Variants in SACM1L observed in about 807,000 individuals in gnomAD.
The protein encoded by SACM1L is SAC1 like phosphatidylinositide phosphatase.
SACM1L carries 32 observed loss-of-function variants against 89.5 expected under a neutral mutation model. That is an observed-to-expected ratio of 0.36 (90% CI 0.27 to 0.48). The LOEUF (loss-of-function observed/expected upper bound fraction) is 0.48, where lower values mean the gene tolerates loss of function less well. Ranked by LOEUF, SACM1L falls within the 20% of genes least tolerant of loss-of-function variation. The pLI is 0.99. For synonymous variants in SACM1L, 213 were observed against 232.8 expected (o/e 0.92, Z 0.77); for missense variants, 543 against 708.5 (o/e 0.77, Z 2.65).
intron 4 of SACM1L, 181 bp downstream of exon 4, chr3:45,707,088 G>T: frequency 3.1e-5 from 15 of 480,112 alleles, no homozygotes; most frequent in South Asian, 1.3e-4. Context: ...ATCATTTGTT[G>T]CTCTTGTTTT....
intron 11 of SACM1L, among the ~76,000 whole-genome samples, chr3:45,730,988 C>T (rs775354507): frequency 1.3e-5 from 2 of 152,194 alleles, no homozygotes; most frequent in South Asian, 2.1e-4. Flanking sequence ...ACTGAGAACC[C>T]GGTTATTCCC....
At chr3:45,715,959 G>A (rs925200408) in intron 7 of SACM1L, among the ~76,000 whole-genome samples, 4 of 151,612 alleles carry the variant, frequency 2.6e-5, no homozygotes, top group African/African-American at 7.3e-5. Flanking sequence ...CCTTTAAATT[G>A]AAAGCTTTAA....
At chr3:45,742,605 A>G (rs963681001) in intron 19 of SACM1L, 3 of 152,254 alleles carry the variant, frequency 2.0e-5, no homozygotes, top group Non-Finnish European at 4.4e-5. Context: ...GCTAACCTTT[A>G]TGAACTTCGG....
chr3:45,735,109 C>G (rs1699170475), intron 13 of SACM1L, 126 bp from the exon 14 acceptor site: 1 of 926,594 alleles, frequency 1.1e-6, no homozygotes, highest in South Asian at 2.0e-5. Context: ...ACCACACATT[C>G]CTGTCTGACC....
At chr3:45,709,836 T>C (rs1698480583) in intron 5 of SACM1L, among the ~76,000 whole-genome samples, 189 bp downstream of exon 5, 1 of 152,224 alleles carries the variant, frequency 6.6e-6, no homozygotes. Context: ...AATCTGTGTA[T>C]ATATACAGCC....
chr3:45,719,090 TC>T (rs1433799675), intron 7 of SACM1L, among the ~76,000 whole-genome samples: 2 of 152,160 alleles, frequency 1.3e-5, no homozygotes, highest in Non-Finnish European at 2.9e-5. Context: ...TCATTTTTTT[TC>T]CCCTTAGCTG....
At chr3:45,690,657 C>T (rs1226123075) in intron 1 of SACM1L, among the ~76,000 whole-genome samples, 1 of 152,166 alleles carries the variant, frequency 6.6e-6, no homozygotes, top group Admixed American at 6.5e-5. Context: ...CAGTGCACCC[C>T]CTGTGGGTGC....
intron 11 of SACM1L, among the ~76,000 whole-genome samples, chr3:45,730,934 A>G (rs1699038919): frequency 6.6e-6 from 1 of 152,186 alleles, no homozygotes; most frequent in South Asian, 2.1e-4. Flanking sequence ...ACACAATTAT[A>G]TGCAAATAAG....
rs745522364 is a variant in SACM1L at position 45,738,802 on chromosome 3, G to C, written c.1498G>C (p.Gly500Arg). 13 of 1,609,632 alleles carry C rather than the reference G, an allele frequency of 8.1e-6. No homozygotes were observed. The highest frequency in any genetic ancestry group is 1.1e-5 in the Non-Finnish European group (13 of 1,176,378). The change falls in exon 18 of 20, where the codon GGA becomes CGA. Residue 500 changes from glycine to arginine, a missense_variant. Physicochemically the swap from Gly to Arg is moderately radical, Grantham distance 125 (BLOSUM62 -2). This residue lies in a region of SACM1L where 370 missense variants were observed against 527.6 expected (regional missense o/e 0.70). Transcript: ENST00000389061. ...FRQDSIDLFL[G>R]NYSVDELESH... The stretch of plus-strand genomic sequence containing the variant: ...CTAGGATTCCATAGACTTATTTCTT[G>C]GAAACTATTCAGTGGATGAATTAGA...
At chr3:45,710,235 C>G (rs557353405) in intron 5 of SACM1L, among the ~76,000 whole-genome samples, 2 of 149,918 alleles carry the variant, frequency 1.3e-5, no homozygotes, top group Admixed American at 6.6e-5. Flanking sequence ...GAGTCTCACT[C>G]TGTCACCTAG....
At chr3:45,739,862 C>T (rs1040353644) in intron 19 of SACM1L, 4 of 590,958 alleles carry the variant, frequency 6.8e-6, no homozygotes, top group African/African-American at 1.9e-5. Context: ...ATTTTAAAAA[C>T]ATGTTTTTCT....
At chr3:45,708,862 G>T (rs1698458027) in intron 4 of SACM1L, among the ~76,000 whole-genome samples, 1 of 152,124 alleles carries the variant, frequency 6.6e-6, no homozygotes. Context: ...TTAAAACAAG[G>T]ATAAAAACAA....
At chr3:45,732,600 C>T (rs981601747) in intron 13 of SACM1L, among the ~76,000 whole-genome samples, 1 of 152,106 alleles carries the variant, frequency 6.6e-6, no homozygotes, top group African/African-American at 2.4e-5. Context: ...GGTTTATTTC[C>T]TTTCCTCTTT....
intron 1 of SACM1L, among the ~76,000 whole-genome samples, chr3:45,700,517 T>TA (rs1207365331): frequency 3.9e-5 from 6 of 152,090 alleles, no homozygotes; most frequent in Admixed American, 6.5e-5. Context: ...GGTGGAAGGG[T>TA]AAAAAAACAA....
intron 5 of SACM1L, among the ~76,000 whole-genome samples, chr3:45,710,500 C>CTTTTTTTT (rs11413682): frequency 1.5e-5 from 2 of 134,142 alleles, no homozygotes; most frequent in Non-Finnish European, 3.1e-5. Context: ...CCCAGTCTGC[C>CTTTTTTTT]TTTTTTTTTT....
At chr3:45,702,146 A>C (rs938365) in intron 1 of SACM1L, among the ~76,000 whole-genome samples, 18,080 of 152,266 alleles carry the variant, frequency 0.12, 1,085 homozygotes, top group East Asian at 0.14. Flanking sequence ...TTAGTTAGTT[A>C]CAGATGAACC....
intron 8 of SACM1L, 107 bp downstream of exon 8, chr3:45,719,708 C>T: frequency 1.6e-6 from 1 of 614,362 alleles, no homozygotes; most frequent in Non-Finnish European, 2.8e-6. Flanking sequence ...ATTTGATAGC[C>T]TTGCTAAGTA....
Position 45,709,510 on chromosome 3 carries a change from A to G in SACM1L, c.346A>G (p.Lys116Glu), listed in dbSNP as rs1222924858. ...TCTTTGTTTATAGTTACAAGATAAT[A>G]AAACCTTCCTAGCGATGCTAAACCA... ...HLTDIQLQDN[K>E]TFLAMLNHVL... is the part of the protein sequence containing the mutation. Residue 116 changes from lysine to glutamate, a missense_variant, in exon 5 of 20, where the codon AAA (lysine) becomes GAA (glutamate). Physicochemically the swap from Lys to Glu is moderately conservative, Grantham distance 56 (BLOSUM62 1). Around this residue, in one of 2 missense-constraint regions of SACM1L, gnomAD observed 173 missense variants for 180.9 expected, o/e 0.96. Coordinates refer to ENST00000389061, the MANE Select transcript of SACM1L (RefSeq NM_014016.5). 1 of 1,609,272 alleles carries G rather than the reference A, an allele frequency of 6.2e-7. No homozygotes were observed. Among genetic ancestry groups the G allele is most frequent in the Non-Finnish European group, 8.5e-7 (1 of 1,178,296 alleles).
At chr3:45,704,106 T>G (rs1698333207) in intron 2 of SACM1L, among the ~76,000 whole-genome samples, 1 of 152,214 alleles carries the variant, frequency 6.6e-6, no homozygotes, top group African/African-American at 2.4e-5. Flanking sequence ...TTTTTTCACT[T>G]GTGTGGAACA....
Sources: gnomAD v4.1 joint callset for allele counts (sites outside exome capture counted in the v4.1 genomes callset) on GRCh38, gnomAD v4.1.1 for gene constraint, gnomAD v4.1.1 regional missense constraint, MANE v1.5 for transcripts, NCBI Gene and HGNC (gene_info 2026-07-23, HGNC 2026-07-21) for gene names.